PDIA4: variants seen among roughly 807,000 people sequenced by gnomAD.
PDIA4 encodes the protein protein disulfide-isomerase A4.
A neutral mutation model predicts 62.1 loss-of-function variants in PDIA4; 33 were observed. The ratio of observed to expected loss-of-function variants is 0.53; its 90% CI spans 0.40 to 0.71. The LOEUF (loss-of-function observed/expected upper bound fraction) is 0.71, where lower values mean the gene tolerates loss of function less well. Ranked by LOEUF, PDIA4 falls within the 30% of genes least tolerant of loss-of-function variation. The pLI, the probability that PDIA4 is intolerant of heterozygous loss-of-function variation, is 0.00. For synonymous variants in PDIA4, 341 were observed against 324.1 expected (o/e 1.05, Z -0.56); for missense variants, 804 against 813.6 (o/e 0.99, Z 0.14).
Position 149,019,138 on chromosome 7 carries a change from T to C in PDIA4, c.329A>G (p.Asp110Gly), listed in dbSNP as rs1405370427. The stretch of plus-strand genomic sequence containing the variant: ...GGCAACAGGAATGGGAGGATCTTTA[T>C]CCTTTAATATGTTGGCAATTTTTTC... ...EYEKIANILKDKDPPIPVAKI... is the reference protein window; with the variant it reads ...EYEKIANILKGKDPPIPVAKI... The change falls in exon 3 of 10, where the codon GAT (aspartate) becomes GGT (glycine). Residue 110 changes from aspartate to glycine, a missense_variant. Physicochemically the swap from Asp to Gly is moderately conservative, Grantham distance 94. Coordinates refer to ENST00000652332, the MANE Select transcript of PDIA4 (RefSeq NM_004911.5). 6.2e-7 allele frequency: 1 copy of C among 1,613,960 alleles called. No homozygotes were observed. The highest frequency in any genetic ancestry group is 8.5e-7 in the Non-Finnish European group (1 of 1,179,950).
chr7:149,011,797 A>G (rs1465175576), intron 6 of PDIA4, 49 bp downstream of exon 6: 18 of 1,462,136 alleles, frequency 1.2e-5, no homozygotes, highest in Non-Finnish European at 1.6e-5. Flanking sequence ...GCAACCGCAG[A>G]CGGCCCAAGG....
In PDIA4 at chr7:149,003,356, C is replaced by T. The variant is rs1336723218; in HGVS notation, c.*438G>A. Reference sequence around the variant, plus strand: ...GTGGCAGCTCTCACTTTGTGCTCAACAGGAAGCAATCAGAAACACATACCA... The same window carrying T: ...GTGGCAGCTCTCACTTTGTGCTCAATAGGAAGCAATCAGAAACACATACCA... On this transcript the variant is annotated 3_prime_UTR_variant, in exon 10 of 10. Coordinates refer to ENST00000652332, the MANE Select transcript of PDIA4 (RefSeq NM_004911.5). 1 of 152,664 alleles carries T rather than the reference C, an allele frequency of 6.6e-6. No homozygotes were observed. Among genetic ancestry groups the T allele is most frequent in the Non-Finnish European group, 1.5e-5 (1 of 68,378 alleles). 9.5% of individuals were successfully genotyped at this position (152,664 alleles called of 1,614,324 possible). A position where few individuals can be genotyped will look rare whatever the true frequency, so the allele number is the denominator to read the frequency against.
At chr7:149,011,412 C>T (rs1368920622) in intron 6 of PDIA4, among the ~76,000 whole-genome samples, 2 of 152,260 alleles carry the variant, frequency 1.3e-5, no homozygotes, top group Non-Finnish European at 2.9e-5. Context: ...TTGCTAAGCT[C>T]TTCATCTACA....
At position 149,028,457 on chromosome 7, in the gene PDIA4, C is replaced by G; in HGVS notation, c.-49G>C. On this transcript the variant is annotated 5_prime_UTR_variant, in exon 1 of 10. Transcript: ENST00000652332. ...TCCTAGCGTCGGCGGCCGCTGAGCG[C>G]ACCGAGAACTCGGGGTCTGGCCGAC... 14 of 1,304,480 alleles carry G rather than the reference C, an allele frequency of 1.1e-5. No individual in the cohort carries two copies. The highest frequency in any genetic ancestry group is 1.4e-5 in the Non-Finnish European group (14 of 979,792). 80.8% of individuals were successfully genotyped at this position (1,304,480 alleles called of 1,614,324 possible).
In PDIA4 at chr7:149,012,318, G is replaced by A. The variant is rs148817386; in HGVS notation, c.657C>T (p.Ala219=). Residue 219 remains alanine, a synonymous_variant, in exon 5 of 10, where the codon GCC becomes GCT. Transcript: ENST00000652332. The stretch of plus-strand genomic sequence containing the variant: ...GAGAACGCTTGCTGAGCTCCTTGGC[G>A]GCCTTCTCATACTCGGGGGCAAGTT... The part of the protein sequence containing the change: ...CKKLAPEYEK[A]AKELSKRSPP... The A allele has an allele frequency of 5.9e-4, 956 of 1,613,824 alleles. 1 individual carries two copies. Among genetic ancestry groups the A allele is most frequent in the African/African-American group, 1.5e-3 (111 of 74,996 alleles).
chr7:149,026,030 G>A (rs964246052), intron 1 of PDIA4, among the ~76,000 whole-genome samples: 4 of 151,886 alleles, frequency 2.6e-5, no homozygotes, highest in Admixed American at 6.6e-5. Flanking sequence ...GGGGAAGGAG[G>A]GCATTTAAGT....
At position 149,012,292 on chromosome 7, in the gene PDIA4, GGAGAACGCTTGCT is replaced by G; in HGVS notation, c.670_682del (p.Ser224LeufsTer28). The G allele has an allele frequency of 6.2e-7, 1 of 1,614,156 alleles. No homozygotes were observed. The highest frequency in any genetic ancestry group is 8.5e-7 in the Non-Finnish European group (1 of 1,180,024). On this transcript the variant is annotated frameshift_variant, in exon 5 of 10. Transcript: ENST00000652332. LOFTEE classifies it high-confidence loss of function. ...GTCGACCTTTGCCAGGGGAATTGGA[GGAGAACGCTTGCT>G]GAGCTCCTTGGCGGCCTTCTCATAC...
At chr7:149,013,224 G>A (rs757204785) in intron 4 of PDIA4, among the ~76,000 whole-genome samples, 3 of 152,118 alleles carry the variant, frequency 2.0e-5, no homozygotes, top group African/African-American at 7.2e-5. Context: ...CTCCAGCCTG[G>A]GCAACAGAGC....
intron 6 of PDIA4, among the ~76,000 whole-genome samples, chr7:149,011,625 G>A (rs916211701): frequency 3.3e-5 from 5 of 152,158 alleles, no homozygotes; most frequent in Non-Finnish European, 2.9e-5. Flanking sequence ...AGCTGGGACC[G>A]GTCTGACTGT....
intron 3 of PDIA4, among the ~76,000 whole-genome samples, chr7:149,015,806 T>A (rs747480401): frequency 6.6e-6 from 1 of 152,242 alleles, no homozygotes; most frequent in Non-Finnish European, 1.5e-5. Context: ...CTCTGCGCAT[T>A]CGCAGCATGA....
chr7:149,010,125 C>T (rs1382191), intron 6 of PDIA4, among the ~76,000 whole-genome samples: 140,452 of 152,166 alleles, frequency 0.92, 65,597 homozygotes, highest in Non-Finnish European at 1. Context: ...CTACTAACTG[C>T]GTAGCTTTAG....
At chr7:149,028,259 C>G in intron 1 of PDIA4, 62 bp downstream of exon 1, 1 of 1,274,564 alleles carries the variant, frequency 7.8e-7, no homozygotes, top group Non-Finnish European at 1.1e-6. Flanking sequence ...AGGGCCCAGG[C>G]CCCCGCACAG....
chr7:149,005,707 C>A (rs1024626909), intron 8 of PDIA4, among the ~76,000 whole-genome samples, 190 bp downstream of exon 8: 1 of 152,190 alleles, frequency 6.6e-6, no homozygotes, highest in African/African-American at 2.4e-5. Flanking sequence ...AATCTAAGCT[C>A]CCATCCTGCT....
At chr7:149,013,525 A>AT (rs1824024300) in intron 4 of PDIA4, among the ~76,000 whole-genome samples, 1 of 152,052 alleles carries the variant, frequency 6.6e-6, no homozygotes, top group Admixed American at 6.5e-5. Context: ...AATATTTTTT[A>AT]TATTAGCTGG....
chr7:149,013,883 A>G (rs945124043), intron 4 of PDIA4, among the ~76,000 whole-genome samples: 2 of 152,060 alleles, frequency 1.3e-5, no homozygotes, highest in Non-Finnish European at 1.5e-5. Context: ...CCACAAAGCA[A>G]CCCACCAGTT....
chr7:149,008,397 T>C (rs1823833475), intron 6 of PDIA4, 87 bp from the exon 7 acceptor site: 5 of 1,428,562 alleles, frequency 3.5e-6, no homozygotes, highest in Non-Finnish European at 4.8e-6. Context: ...CCAAAGCAAA[T>C]GTTCTGAAAA....
intron 6 of PDIA4, among the ~76,000 whole-genome samples, chr7:149,011,478 T>C (rs1823940981): frequency 6.6e-6 from 1 of 152,238 alleles, no homozygotes; most frequent in African/African-American, 2.4e-5. Context: ...AAGAGACCAC[T>C]AGGCTAACTG....
In PDIA4 at chr7:149,004,129, A is replaced by G. The variant is rs1585409200; in HGVS notation, c.1603T>C (p.Phe535Leu). 6.2e-7 allele frequency: 1 copy of G among 1,614,068 alleles called. No homozygotes were observed. Among genetic ancestry groups the G allele is most frequent in the East Asian group, 2.2e-5 (1 of 44,864 alleles). ...TTGGGGTCCATCACAATGGAGTCAA[A>G]GGTCTTTCCCACCACGACCTTGACG... is the stretch of plus-strand genomic sequence containing the variant. ...GPVKVVVGKTFDSIVMDPKKD... is the reference protein window; with the variant it reads ...GPVKVVVGKTLDSIVMDPKKD... Residue 535 changes from phenylalanine (F) to leucine (L), a missense_variant, in exon 10 of 10, where the codon TTT (phenylalanine) becomes CTT (leucine). Transcript: ENST00000652332.
At chr7:149,020,049 C>G (rs931792476) in intron 2 of PDIA4, among the ~76,000 whole-genome samples, 2 of 152,188 alleles carry the variant, frequency 1.3e-5, no homozygotes, top group African/African-American at 4.8e-5. Context: ...CAGCCTCCCC[C>G]TCCTAGGTTG....
Sources: gnomAD v4.1 joint callset for allele counts (sites outside exome capture counted in the v4.1 genomes callset) on GRCh38, gnomAD v4.1.1 for gene constraint, MANE v1.5 for transcripts, NCBI Gene and HGNC (gene_info 2026-07-23, HGNC 2026-07-21) for gene names.